TPO: variants seen among roughly 807,000 people sequenced by gnomAD.
TPO encodes the protein thyroid peroxidase.
In TPO, 78 loss-of-function variants were observed where a neutral mutation model predicts 96.9. The ratio of observed to expected loss-of-function variants is 0.81; its 90% CI spans 0.67 to 0.97. The LOEUF (loss-of-function observed/expected upper bound fraction) is 0.97. TPO is among the 50% of genes least tolerant of loss of function. The pLI is 0.00. For synonymous variants in TPO, 547 were observed against 538.0 expected, an observed-to-expected ratio of 1.02 and a Z score of -0.23; for missense variants, 1,252 against 1,274.8, an observed-to-expected ratio of 0.98 and a Z score of 0.27.
chr2:1,525,904 C>T lies in TPO; in HGVS notation c.2618+8922C>T, dbSNP rs143604826. Reference sequence around the variant, plus strand: ...CCTCAAATCCCAATACTGTGTGCAACCTCCTCAAATCCCCCCACTGTGCGC... The same window carrying T: ...CCTCAAATCCCAATACTGTGTGCAATCTCCTCAAATCCCCCCACTGTGCGC... On this transcript the variant is annotated intron_variant, in intron 15 of 16. Coordinates refer to ENST00000329066, the MANE Select transcript of TPO (RefSeq NM_001206744.2). 1.4e-3 allele frequency among the ~76,000 whole-genome samples: 199 copies of T among 145,536 alleles called. 1 individual carries two copies. The highest frequency in any genetic ancestry group is 5.0e-3 in the African/African-American group (192 of 38,030).
chr2:1,477,056 G>A, intron 7 of TPO, 30 bp from the exon 8 acceptor site: 1 of 1,592,954 alleles, frequency 6.3e-7, no homozygotes, highest in Non-Finnish European at 8.5e-7. Context: ...CGGGGGCCCT[G>A]GGTGACCTTG....
chr2:1,415,043 A>C (rs1038706140), intron 2 of TPO, among the ~76,000 whole-genome samples: 6 of 152,242 alleles, frequency 3.9e-5, no homozygotes, highest in African/African-American at 1.2e-4. Flanking sequence ...CCCCGGGAGC[A>C]GGTGACACCT....
intron 14 of TPO, among the ~76,000 whole-genome samples, chr2:1,514,961 T>C (rs1674531897): frequency 6.6e-6 from 1 of 152,164 alleles, no homozygotes; most frequent in African/African-American, 2.4e-5. Context: ...GCTCCTCCTC[T>C]CACTCAAGGC....
At position 1,543,454 on chromosome 2, in the gene TPO, G is replaced by A. The variant is rs1680937359; in HGVS notation, c.*980G>A. On this transcript the variant is annotated 3_prime_UTR_variant, in exon 17 of 17. Transcript: ENST00000329066. The stretch of plus-strand genomic sequence containing the variant: ...GATCTCACCCACGAATGACAACAGT[G>A]GCACAGGAGGGCTATGAACATTTTG... 6.6e-6 allele frequency: 1 copy of A among 152,124 alleles called. No homozygotes were observed. The highest frequency in any genetic ancestry group is 1.5e-5 in the Non-Finnish European group (1 of 68,040). 9.4% of individuals were successfully genotyped at this position (152,124 alleles called of 1,614,324 possible). A position where few individuals can be genotyped will look rare whatever the true frequency, so the allele number is the denominator to read the frequency against.
chr2:1,506,548 GT>G (rs1272787846), intron 14 of TPO, among the ~76,000 whole-genome samples: 2 of 151,818 alleles, frequency 1.3e-5, no homozygotes, highest in African/African-American at 2.4e-5. Context: ...AGCACCTGTT[GT>G]TTCCTGACTT....
In TPO at chr2:1,477,450, G is replaced by T. The variant is rs777973047; in HGVS notation, c.1184G>T (p.Gly395Val). 6.6e-7 allele frequency: 1 copy of T among 1,524,456 alleles called. No individual in the cohort carries two copies. The highest frequency in any genetic ancestry group is 8.8e-7 in the Non-Finnish European group (1 of 1,140,806). 94.4% of individuals were successfully genotyped at this position (1,524,456 alleles called of 1,614,324 possible). The stretch of plus-strand genomic sequence containing the variant: ...GGGCCCTGCTTCCTGGCCGGAGACG[G>T]CCGCGCCAGCGAGGTCCCCTCCCTG... ...TRGPCFLAGD[G>V]RASEVPSLTA... The change falls in exon 8 of 17, where the codon GGC becomes GTC. Residue 395 changes from glycine (G) to valine (V), a missense_variant. By Grantham distance (109) the Gly-to-Val change is moderately radical. Transcript: ENST00000329066.
intron 15 of TPO, among the ~76,000 whole-genome samples, chr2:1,523,310 AGCAACCTCCCCAAATCCCCCCACTGTGT>A (rs1675616409): frequency 2.7e-4 from 1 of 3,730 alleles, no homozygotes; most frequent in Non-Finnish European, 4.4e-4. Context: ...CCCCACTGTG[AGCAACCTCCCCAAATCCCCCCACTGTGT>A]GCAACTTCCC....
intron 1 of TPO, among the ~76,000 whole-genome samples, chr2:1,387,021 A>C (rs1661911130): frequency 6.6e-6 from 1 of 152,136 alleles, no homozygotes; most frequent in South Asian, 2.1e-4. Context: ...CTTTTCTTTA[A>C]GTATGTTGAA....
intron 3 of TPO, among the ~76,000 whole-genome samples, chr2:1,423,383 A>ACT (rs1663990081): frequency 1.3e-5 from 2 of 152,226 alleles, no homozygotes; most frequent in African/African-American, 4.8e-5. Context: ...GTTAAAAGAC[A>ACT]GTAGAGGCTG....
At chr2:1,411,175 A>T (rs540002604), upstream of TPO, among the ~76,000 whole-genome samples, 108 of 152,336 alleles carry the variant, frequency 7.1e-4, 1 homozygote, top group African/African-American at 2.5e-3. Context: ...TTCCAGTGTA[A>T]CAGCTTCCAT....
At chr2:1,430,107 C>T (rs2148476555) in intron 3 of TPO, among the ~76,000 whole-genome samples, 1 of 152,312 alleles carries the variant, frequency 6.6e-6, no homozygotes, top group East Asian at 1.9e-4. Context: ...GTCCTCAGGA[C>T]AGCCCTTACT....
At chr2:1,450,099 G>A (rs757127993) in intron 5 of TPO, among the ~76,000 whole-genome samples, 63 of 152,318 alleles carry the variant, frequency 4.1e-4, no homozygotes, top group Non-Finnish European at 7.5e-4. Context: ...AAGAGGTGCC[G>A]TTACAGGAGT....
chr2:1,383,481 G>C (rs1368240078), intron 1 of TPO, among the ~76,000 whole-genome samples: 1 of 152,200 alleles, frequency 6.6e-6, no homozygotes, highest in Non-Finnish European at 1.5e-5. Context: ...GGCCAGTGAT[G>C]ATGAGCAGTT....
At chr2:1,443,532 A>G (rs1409566176) in intron 5 of TPO, among the ~76,000 whole-genome samples, 1 of 148,890 alleles carries the variant, frequency 6.7e-6, no homozygotes, top group East Asian at 2.0e-4. Flanking sequence ...TGATCCAGTC[A>G]TTGCTGCAGG....
chr2:1,455,014 G>A (rs577326754), intron 6 of TPO, among the ~76,000 whole-genome samples: 2 of 152,316 alleles, frequency 1.3e-5, no homozygotes, highest in South Asian at 4.1e-4. Flanking sequence ...AAGCTCCAGG[G>A]GAGATCCCTT....
rs1277282265 is a variant in TPO at position 1,516,977 on chromosome 2, C to A, written c.2613C>A (p.Cys871Ter). ...GFAGLTSTVI[C>*]RWTRTGTKST... Reference sequence around the variant, plus strand: ...CAGGTCTCACCTCGACGGTGATTTGCAGGTGGTAAGTCCTTCACTTTTTGA... The same window carrying A: ...CAGGTCTCACCTCGACGGTGATTTGAAGGTGGTAAGTCCTTCACTTTTTGA... Residue 871 changes from cysteine (C) to a stop codon, truncating the protein, a stop_gained, in exon 15 of 17, where the codon TGC becomes TGA. Coordinates refer to ENST00000329066, the MANE Select transcript of TPO (RefSeq NM_001206744.2). LOFTEE classifies it high-confidence loss of function. 7.4e-6 allele frequency: 12 copies of A among 1,613,840 alleles called. No homozygotes were observed. Among genetic ancestry groups the A allele is most frequent in the African/African-American group, 1.3e-5 (1 of 75,058 alleles).
chr2:1,443,048 C>A (rs978929522), intron 5 of TPO, among the ~76,000 whole-genome samples: 1 of 152,170 alleles, frequency 6.6e-6, no homozygotes, highest in East Asian at 1.9e-4. Flanking sequence ...CCAGCCTGGG[C>A]AACAAAGCAA....
chr2:1,378,755 C>T lies in TPO; in HGVS notation n.180+4353C>T, dbSNP rs905495272. On this transcript the variant is annotated intron_variant and non_coding_transcript_variant, in intron 1 of 5. Transcript: ENST00000497517. ...CCGTGCACCCGGCAGATGCTGTGTG[C>T]ACCTGGCGGGGGGTTCGTGCCTGAG... Among the ~76,000 whole-genome samples, 14 of 152,284 alleles carry T rather than the reference C, an allele frequency of 9.2e-5. No individual in the cohort carries two copies. In the East Asian group the frequency reaches 2.7e-3, roughly 29 times the overall value.
In TPO at chr2:1,484,595, G is replaced by C; in HGVS notation, c.1339-1G>C. ...CTGAGATGCTTTTCCTATCTGCACA[G>C]ATCATCACCCTGAGGGATTACATCC... On this transcript the variant is annotated splice_acceptor_variant, in intron 8 of 16. Transcript: ENST00000329066. LOFTEE classifies it high-confidence loss of function. 6.2e-7 allele frequency: 1 copy of C among 1,614,068 alleles called. No individual in the cohort carries two copies. Among genetic ancestry groups the C allele is most frequent in the Non-Finnish European group, 8.5e-7 (1 of 1,180,028 alleles).
Sources: gnomAD v4.1 joint callset for allele counts (sites outside exome capture counted in the v4.1 genomes callset) on GRCh38, gnomAD v4.1.1 for gene constraint, MANE v1.5 for transcripts, NCBI Gene and HGNC (gene_info 2026-07-23, HGNC 2026-07-21) for gene names.